Variants in PDE6A observed in about 807,000 individuals in gnomAD.
PDE6A encodes rod cGMP-specific 3',5'-cyclic phosphodiesterase subunit alpha.
PDE6A carries 84 observed loss-of-function variants against 106.3 expected under a neutral mutation model. The ratio of observed to expected loss-of-function variants is 0.79; its 90% CI spans 0.66 to 0.95. The LOEUF is 0.95. Among genes scored for constraint, PDE6A ranks in the 40% least tolerant of loss-of-function variants. PDE6A has a pLI of 0.00. For missense variants in PDE6A, 1,052 were observed against 1,084.9 expected (o/e 0.97, Z 0.43); for synonymous variants, 394 against 386.6 (o/e 1.02, Z -0.23).
At chr5:149,915,246 T>A (rs1753516868) in intron 5 of PDE6A, among the ~76,000 whole-genome samples, 1 of 151,770 alleles carries the variant, frequency 6.6e-6, no homozygotes, top group African/African-American at 2.4e-5. Flanking sequence ...CCTGACCCCA[T>A]GATCTGCCCA....
rs76733229 is a variant in PDE6A, at chr5:149,917,277, A to C, written c.934-2270T>G. Among the ~76,000 whole-genome samples the C allele has an allele frequency of 4.3e-3, 653 of 150,496 alleles. 11 individuals are homozygous for C. Among genetic ancestry groups the C allele is most frequent in the East Asian group, 0.024 (126 of 5,176 alleles). On this transcript the variant is annotated intron_variant, in intron 5 of 21. Transcript: ENST00000255266. ...CTTGAGTGTGTTTTTCACACACACA[A>C]AAAAAAATTGGAAATTTTTTTAAAA...
At chr5:149,897,288 G>A (rs758554524) in intron 10 of PDE6A, among the ~76,000 whole-genome samples, 3 of 152,022 alleles carry the variant, frequency 2.0e-5, no homozygotes, top group Non-Finnish European at 4.4e-5. Flanking sequence ...TCTCTCTCTG[G>A]GCCTGTGTCC....
intron 17 of PDE6A, among the ~76,000 whole-genome samples, chr5:149,880,402 G>A (rs1317226217): frequency 6.6e-6 from 1 of 152,074 alleles, no homozygotes; most frequent in Non-Finnish European, 1.5e-5. Context: ...GTCAAAAAAA[G>A]AAAAACATTA....
intron 5 of PDE6A, among the ~76,000 whole-genome samples, chr5:149,916,436 C>T (rs907554347): frequency 1.3e-5 from 2 of 152,186 alleles, no homozygotes; most frequent in Non-Finnish European, 2.9e-5. Flanking sequence ...GGCCCCATTT[C>T]TCCTTCATGC....
intron 12 of PDE6A, among the ~76,000 whole-genome samples, chr5:149,895,849 G>C (rs1351357322): frequency 1.3e-5 from 2 of 152,080 alleles, no homozygotes; most frequent in East Asian, 1.9e-4. Context: ...TTCTTAGGTG[G>C]TGTGGATGTG....
chr5:149,917,906 T>C (rs1020662843), intron 5 of PDE6A, among the ~76,000 whole-genome samples: 6 of 152,196 alleles, frequency 3.9e-5, no homozygotes, highest in African/African-American at 1.2e-4. Context: ...GCCGGGTATA[T>C]AGAGTCCCTG....
At chr5:149,869,217 C>T (rs1209307485) in intron 17 of PDE6A, among the ~76,000 whole-genome samples, 2 of 151,986 alleles carry the variant, frequency 1.3e-5, no homozygotes, top group African/African-American at 2.4e-5. Flanking sequence ...GTGATCCCAG[C>T]TACGCGGGAG....
At position 149,886,447 on chromosome 5, in the gene PDE6A, A is replaced by G. The variant is rs1752309687; in HGVS notation, c.1729-73T>C. The G allele has an allele frequency of 5.4e-6, 6 of 1,119,842 alleles. No individual in the cohort carries two copies. In the South Asian group the frequency reaches 6.4e-5, roughly 12 times the overall value. 69.4% of individuals were successfully genotyped at this position (1,119,842 alleles called of 1,614,324 possible). A position where few individuals can be genotyped will look rare whatever the true frequency, so the allele number is the denominator to read the frequency against. ...GAAGCAGGGCTGAAAAGGCGGGTGT[A>G]AGGAGGAGGGCCCAGAACTAAAAAA... On this transcript the variant is annotated intron_variant, in intron 13 of 21. Coordinates refer to ENST00000255266, the MANE Select transcript of PDE6A (RefSeq NM_000440.3).
rs915147785 is a variant in PDE6A at position 149,944,379 on chromosome 5, A to G, written c.295T>C (p.Tyr99His). ...TCTGCGATGCCATTGCGGGTCCGGT[A>G]CATGAACAGGCTCATGCGGTCTGCC... ...LQADRMSLFM[Y>H]RTRNGIAELA... is the part of the protein sequence containing the mutation. Residue 99 changes from tyrosine to histidine, a missense_variant, in exon 1 of 22, where the codon TAC (tyrosine) becomes CAC (histidine). This residue lies in a region of PDE6A where 913 missense variants were observed against 915.2 expected (regional missense o/e 1.00). Coordinates refer to ENST00000255266, the MANE Select transcript of PDE6A (RefSeq NM_000440.3). The G allele has an allele frequency of 2.5e-6, 4 of 1,614,090 alleles. No individual in the cohort carries two copies. In the African/African-American group the frequency reaches 5.3e-5, roughly 22 times the overall value.
In PDE6A at chr5:149,921,722, A is replaced by G. The variant is rs748579622; in HGVS notation, c.859-13T>C. 5 of 1,605,940 alleles carry G rather than the reference A, an allele frequency of 3.1e-6. No individual in the cohort carries two copies. The highest frequency in any genetic ancestry group is 1.6e-4 in the Middle Eastern group (1 of 6,076). Reference sequence around the variant, plus strand: ...CATCAAAAAATTCCTAGGAATGAGAAAAACAATAATTACATGTTTTGAAAA... The same window carrying G: ...CATCAAAAAATTCCTAGGAATGAGAGAAACAATAATTACATGTTTTGAAAA... On this transcript the variant is annotated splice_polypyrimidine_tract_variant and intron_variant, in intron 4 of 21. Transcript: ENST00000255266.
intron 17 of PDE6A, among the ~76,000 whole-genome samples, chr5:149,872,939 G>T (rs924494752): frequency 6.6e-6 from 1 of 152,194 alleles, no homozygotes; most frequent in African/African-American, 2.4e-5. Flanking sequence ...CAAAGACTGA[G>T]CTCTGCCACT....
chr5:149,921,537 C>T (rs1049164715), intron 5 of PDE6A, 98 bp downstream of exon 5: 1 of 910,970 alleles, frequency 1.1e-6, no homozygotes, highest in East Asian at 2.5e-5. Flanking sequence ...AACGCAAAGA[C>T]AAATACCTAT....
chr5:149,889,752 A>T (rs1445625818), intron 13 of PDE6A, among the ~76,000 whole-genome samples: 1 of 151,968 alleles, frequency 6.6e-6, no homozygotes, highest in Non-Finnish European at 1.5e-5. Context: ...CTAAAAGTAC[A>T]AAAAGTTAGC....
chr5:149,868,669 C>T (rs777033671), intron 17 of PDE6A, among the ~76,000 whole-genome samples: 36 of 152,132 alleles, frequency 2.4e-4, no homozygotes, highest in Non-Finnish European at 5.0e-4. Flanking sequence ...GTTCCCTGCC[C>T]CAACTGCCAA....
At chr5:149,922,411 T>C (rs1753750663) in intron 4 of PDE6A, among the ~76,000 whole-genome samples, 1 of 152,014 alleles carries the variant, frequency 6.6e-6, no homozygotes, top group African/African-American at 2.4e-5. Flanking sequence ...TCCCGGGTTC[T>C]AGCAATTCTC....
chr5:149,867,952 G>A (rs915903085), intron 18 of PDE6A, 143 bp downstream of exon 18: 46 of 1,100,232 alleles, frequency 4.2e-5, no homozygotes, highest in Non-Finnish European at 6.2e-5. Context: ...CTGGAGAGAC[G>A]TAAAATGATT....
intron 1 of PDE6A, among the ~76,000 whole-genome samples, chr5:149,936,539 A>T (rs971212296): frequency 3.9e-5 from 6 of 152,138 alleles, no homozygotes; most frequent in African/African-American, 1.4e-4. Flanking sequence ...TTTGGGCCTC[A>T]CCTGCATCCA....
At chr5:149,936,479 T>C (rs1754188877) in intron 1 of PDE6A, among the ~76,000 whole-genome samples, 1 of 152,198 alleles carries the variant, frequency 6.6e-6, no homozygotes, top group South Asian at 2.1e-4. Flanking sequence ...ATTCATTTCA[T>C]GAAGTCATTT....
Position 149,931,157 on chromosome 5 carries a change from C to A in PDE6A, c.729G>T (p.Trp243Cys). 1 of 1,614,082 alleles carries A rather than the reference C, an allele frequency of 6.2e-7. No individual in the cohort carries two copies. The highest frequency in any genetic ancestry group is 8.5e-7 in the Non-Finnish European group (1 of 1,180,020). Residue 243 changes from tryptophan (W) to cysteine (C), a missense_variant, in exon 4 of 22, where the codon TGG becomes TGT. Transcript: ENST00000255266. ...GTTCTTCAAAGACTTTGCTCCCAGACCACAGCAGTATCTGAAAAAACACAA... is the reference window on the plus strand; with the variant it reads ...GTTCTTCAAAGACTTTGCTCCCAGAACACAGCAGTATCTGAAAAAACACAA... ...CETRRGQILL[W>C]SGSKVFEELT...
Sources: allele counts gnomAD v4.1 joint callset (sites outside exome capture counted in the v4.1 genomes callset), GRCh38; gene constraint gnomAD v4.1.1; regional missense constraint gnomAD v4.1.1; transcripts MANE v1.5; gene names NCBI Gene and HGNC (gene_info 2026-07-23, HGNC 2026-07-21).